COL11A1: variants seen among roughly 807,000 people sequenced by gnomAD.
COL11A1 encodes collagen type XI alpha 1 chain.
COL11A1 carries 74 observed loss-of-function variants against 265.2 expected under a neutral mutation model. The observed-to-expected ratio is 0.28, with a 90% CI of 0.23 to 0.34. The LOEUF is 0.34. Among genes scored for constraint, COL11A1 ranks in the 10% least tolerant of loss-of-function variants. The probability of loss-of-function intolerance (pLI) is 1.00; values close to 1 mark genes in which losing one functional copy is unlikely to be tolerated. For missense variants in COL11A1, 2,165 were observed against 2,263.6 expected, an observed-to-expected ratio of 0.96 and a Z score of 0.88; for synonymous variants, 816 against 727.6, an observed-to-expected ratio of 1.12 and a Z score of -1.96.
intron 3 of COL11A1, among the ~76,000 whole-genome samples, chr1:103,075,136 T>G (rs1434887300): frequency 1.3e-5 from 2 of 152,116 alleles, no homozygotes; most frequent in African/African-American, 2.4e-5. Flanking sequence ...GGGTAAGTAA[T>G]AGTTTCCAAG....
At chr1:103,037,916 C>CA (rs1330304554) in intron 4 of COL11A1, among the ~76,000 whole-genome samples, 13 of 152,082 alleles carry the variant, frequency 8.5e-5, no homozygotes, top group Admixed American at 7.9e-4. Flanking sequence ...GAGTAAATCA[C>CA]ACAGCTATAA....
At chr1:103,103,430 T>C (rs1022569063) in intron 1 of COL11A1, among the ~76,000 whole-genome samples, 1 of 152,002 alleles carries the variant, frequency 6.6e-6, no homozygotes, top group Non-Finnish European at 1.5e-5. Context: ...CAGCAATGAA[T>C]AGAGTATTAC....
chr1:102,921,441 T>A (rs1021203399), intron 48 of COL11A1, 77 bp downstream of exon 48: 10 of 1,203,048 alleles, frequency 8.3e-6, no homozygotes, highest in Non-Finnish European at 1.2e-5. Flanking sequence ...TTGTTATAAC[T>A]CACAAAGAGC....
intron 38 of COL11A1, among the ~76,000 whole-genome samples, chr1:102,965,162 T>A (rs2101593121): frequency 6.6e-6 from 1 of 152,302 alleles, no homozygotes; most frequent in South Asian, 2.1e-4. Flanking sequence ...ATGGCCCACC[T>A]ATTTACAAAG....
chr1:102,932,775 G>T (rs561350182), intron 46 of COL11A1, among the ~76,000 whole-genome samples: 226 of 151,322 alleles, frequency 1.5e-3, no homozygotes, highest in African/African-American at 4.7e-3. Context: ...ATATTTCTTG[G>T]AGGCTTTGCT....
chr1:103,011,987 A>T (rs1666169040), intron 14 of COL11A1, among the ~76,000 whole-genome samples: 1 of 152,168 alleles, frequency 6.6e-6, no homozygotes, highest in Non-Finnish European at 1.5e-5. Flanking sequence ...CCTGCGGTTT[A>T]AAAAGTATCT....
rs1163550668 is a variant in COL11A1, at chr1:103,077,045, A to T, written c.488+1613T>A. Reference sequence around the variant, plus strand: ...AAAGTATAGGACCTACCTAGCACACAGTAAGCATTTAATAAATTGTTATTG... The same window carrying T: ...AAAGTATAGGACCTACCTAGCACACTGTAAGCATTTAATAAATTGTTATTG... On this transcript the variant is annotated intron_variant, in intron 3 of 66. Coordinates refer to ENST00000370096, the MANE Select transcript of COL11A1 (RefSeq NM_001854.4). 2.0e-5 allele frequency among the ~76,000 whole-genome samples: 3 copies of T among 152,110 alleles called. No individual in the cohort carries two copies. The East Asian group carries it at 5.8e-4, about 29-fold the overall frequency.
At chr1:102,982,889 A>G (rs1046705694) in intron 31 of COL11A1, among the ~76,000 whole-genome samples, 1 of 152,086 alleles carries the variant, frequency 6.6e-6, no homozygotes. Context: ...TAAGAATGTT[A>G]CAGAAACAGG....
At chr1:102,951,736 C>T (rs557306436) in intron 41 of COL11A1, among the ~76,000 whole-genome samples, 3 of 148,024 alleles carry the variant, frequency 2.0e-5, no homozygotes, top group South Asian at 4.3e-4. Context: ...AGCCAGACTC[C>T]GTCTTAAAAA....
intron 49 of COL11A1, among the ~76,000 whole-genome samples, chr1:102,916,954 A>C (rs916252215): frequency 1.3e-5 from 2 of 151,988 alleles, no homozygotes; most frequent in Admixed American, 1.3e-4. Context: ...TTTGGCATTG[A>C]AATCAATTGT....
At chr1:103,086,320 G>C (rs368227427) in intron 1 of COL11A1, among the ~76,000 whole-genome samples, 1 of 151,080 alleles carries the variant, frequency 6.6e-6, no homozygotes, top group South Asian at 2.1e-4. Context: ...TTCTGAAAAG[G>C]AAAACAAAAT....
chr1:103,001,790 C>T (rs1188658632), intron 24 of COL11A1, 135 bp downstream of exon 24: 14 of 761,466 alleles, frequency 1.8e-5, no homozygotes, highest in South Asian at 6.1e-5. Flanking sequence ...ATTTCCATGT[C>T]GACTCCAGAT....
intron 9 of COL11A1, among the ~76,000 whole-genome samples, chr1:103,020,081 T>C (rs1666895255): frequency 1.3e-5 from 2 of 151,608 alleles, no homozygotes; most frequent in African/African-American, 4.9e-5. Context: ...CAGCATGATT[T>C]ATAGTCCTTT....
At chr1:103,016,760 G>A (rs1338489480) in intron 11 of COL11A1, among the ~76,000 whole-genome samples, 1 of 151,916 alleles carries the variant, frequency 6.6e-6, no homozygotes, top group African/African-American at 2.4e-5. Flanking sequence ...AATAGATTCT[G>A]TACAAGTTTC....
intron 51 of COL11A1, 52 bp downstream of exon 51, chr1:102,914,652 C>T (rs1655091331): frequency 1.5e-6 from 2 of 1,367,098 alleles, no homozygotes; most frequent in Admixed American, 1.8e-5. Context: ...AAGAAAAGCT[C>T]CAAGGTGAGT....
At chr1:103,102,813 C>A (rs150658898) in intron 1 of COL11A1, among the ~76,000 whole-genome samples, 7 of 151,832 alleles carry the variant, frequency 4.6e-5, no homozygotes, top group East Asian at 1.9e-4. Flanking sequence ...TCTTCAGGAC[C>A]CTATGGCCAT....
At chr1:102,991,091 T>C (rs1043528841) in intron 28 of COL11A1, among the ~76,000 whole-genome samples, 9 of 151,976 alleles carry the variant, frequency 5.9e-5, no homozygotes, top group Non-Finnish European at 1.2e-4. Flanking sequence ...GCAGTTATTT[T>C]GGTACAGATG....
Position 103,086,409 on chromosome 1 carries a change from T to TTTTG in COL11A1, c.107-3441_107-3438dup, listed in dbSNP as rs560314023. 2.1e-3 allele frequency among the ~76,000 whole-genome samples: 314 copies of TTTTG among 151,956 alleles called. 3 individuals are homozygous for TTTTG. Among genetic ancestry groups the TTTTG allele is most frequent in the African/African-American group, 6.5e-3 (269 of 41,486 alleles). ...GACTGCAAAGTCCACAACGTATCTA[T>TTTTG]TTTGTTTGTTTGTTTGTTTGTTTTT... On this transcript the variant is annotated intron_variant, in intron 1 of 66. Transcript: ENST00000370096.
chr1:102,926,387 G>A (rs1273834488), intron 46 of COL11A1, among the ~76,000 whole-genome samples: 10 of 150,334 alleles, frequency 6.7e-5, no homozygotes, highest in South Asian at 2.1e-4. Flanking sequence ...GTGTGTGTGT[G>A]TATATATCCT....
Sources: gnomAD v4.1 joint callset for allele counts (sites outside exome capture counted in the v4.1 genomes callset) on GRCh38, gnomAD v4.1.1 for gene constraint, MANE v1.5 for transcripts, NCBI Gene and HGNC (gene_info 2026-07-23, HGNC 2026-07-21) for gene names.